The following BCL6 variants were observed in gnomAD, a reference collection of about 807,000 sequenced individuals.
BCL6 encodes BCL6 transcription repressor.
BCL6 carries 7 observed loss-of-function variants against 59.5 expected under a neutral mutation model. The ratio of observed to expected loss-of-function variants is 0.12; its 90% CI spans 0.07 to 0.22. BCL6 has a LOEUF of 0.22. Among genes scored for constraint, BCL6 ranks in the 10% least tolerant of loss-of-function variants. The pLI is 1.00. For missense variants in BCL6, 685 were observed against 939.4 expected (o/e 0.73, Z 3.54); for synonymous variants, 339 against 349.7 (o/e 0.97, Z 0.34).
At chr3:187,745,191 T>C (rs901272184) in intron 1 of BCL6, among the ~76,000 whole-genome samples, 5 of 152,282 alleles carry the variant, frequency 3.3e-5, no homozygotes, top group Middle Eastern at 3.4e-3. Context: ...CTTCGGCATT[T>C]ATTTTAACAC....
intron 1 of BCL6, among the ~76,000 whole-genome samples, chr3:187,742,196 G>A (rs548721030): frequency 6.6e-6 from 1 of 152,142 alleles, no homozygotes; most frequent in South Asian, 2.1e-4. Flanking sequence ...CCCACCGAGG[G>A]GTGGCGCTGC....
intron 3 of BCL6, chr3:187,732,230 T>C (rs1177446881): frequency 2.4e-6 from 1 of 420,350 alleles, no homozygotes; most frequent in Non-Finnish European, 4.5e-6. Context: ...GGGCCTGTTT[T>C]CCTTTTAGTC....
chr3:187,744,510 T>G (rs1711786172), intron 1 of BCL6, among the ~76,000 whole-genome samples: 2 of 151,820 alleles, frequency 1.3e-5, no homozygotes, highest in South Asian at 2.1e-4. Flanking sequence ...CGGCTCTCAT[T>G]AGGAAGATCA....
chr3:187,727,470 G>A (rs1344055322), intron 6 of BCL6, among the ~76,000 whole-genome samples: 3 of 152,224 alleles, frequency 2.0e-5, no homozygotes, highest in East Asian at 1.9e-4. Flanking sequence ...AATCAATGAC[G>A]AACACTCTGT....
In BCL6 at chr3:187,729,379, G is replaced by A; in HGVS notation, c.1026C>T (p.Asn342=). ...QSPQKSDCQP[N]SPTESCSSKN... ...TACTGCTGCAGGACTCTGTGGGCGAGTTGGGCTGGCAGTCAGATTTCTGGG... is the reference window on the plus strand; with the variant it reads ...TACTGCTGCAGGACTCTGTGGGCGAATTGGGCTGGCAGTCAGATTTCTGGG... The change falls in exon 5 of 10, where the codon AAC becomes AAT. Residue 342 remains asparagine, a synonymous_variant. Coordinates refer to ENST00000406870, the MANE Select transcript of BCL6 (RefSeq NM_001706.5). This position sits in a 1 kb window ranked among gnomAD's most constrained non-coding sequence, Gnocchi z 5.6. The A allele has an allele frequency of 6.2e-7, 1 of 1,613,634 alleles. No individual in the cohort carries two copies. The highest frequency in any genetic ancestry group is 8.5e-7 in the Non-Finnish European group (1 of 1,179,878).
At position 187,724,922 on chromosome 3, in the gene BCL6, C is replaced by A. The variant is rs370413402; in HGVS notation, c.1977+19G>T. On this transcript the variant is annotated intron_variant, in intron 9 of 9. Transcript: ENST00000406870. ...CACATCCCCGCAGGTCAGAGAGCGG[C>A]CTCAAGAGGCTTACGTACATGGTAA... The A allele has an allele frequency of 6.2e-7, 1 of 1,613,996 alleles. No individual in the cohort carries two copies. The highest frequency in any genetic ancestry group is 1.3e-5 in the African/African-American group (1 of 74,924).
At chr3:187,724,379 A>G (rs1356943810) in intron 9 of BCL6, among the ~76,000 whole-genome samples, 2 of 151,880 alleles carry the variant, frequency 1.3e-5, no homozygotes, top group Admixed American at 1.3e-4. Flanking sequence ...GCCCTAGAAC[A>G]TTCCAATCCC....
Position 187,728,563 on chromosome 3 carries a change from ACAGCCTCAG to A in BCL6, c.1356-28_1356-20del. 6.3e-7 allele frequency: 1 copy of A among 1,588,550 alleles called. No homozygotes were observed. Among genetic ancestry groups the A allele is most frequent in the Non-Finnish European group, 8.5e-7 (1 of 1,172,576 alleles). On this transcript the variant is annotated intron_variant, in intron 5 of 9. Transcript: ENST00000406870. ...CATGGACCTATGGACAGGAGTAAAA[ACAGCCTCAG>A]CACCTGGGGCAGGGCCTCAAGACCA...
At chr3:187,728,153 C>G (rs1371781760) in intron 6 of BCL6, among the ~76,000 whole-genome samples, 2 of 152,230 alleles carry the variant, frequency 1.3e-5, no homozygotes, top group East Asian at 3.8e-4. Context: ...CAGATCAACT[C>G]TAAAACCCCA....
intron 1 of BCL6, among the ~76,000 whole-genome samples, chr3:187,739,738 C>T (rs1198001241): frequency 6.6e-6 from 1 of 152,172 alleles, no homozygotes; most frequent in African/African-American, 2.4e-5. Flanking sequence ...AAATCGCGTC[C>T]CGGAGCAGAG....
chr3:187,745,428 T>G lies in BCL6; in HGVS notation c.-68A>C. The G allele has an allele frequency of 2.5e-6, 1 of 399,876 alleles. No homozygotes were observed. Among genetic ancestry groups the G allele is most frequent in the Non-Finnish European group, 4.4e-6 (1 of 226,444 alleles). 24.8% of individuals were successfully genotyped at this position (399,876 alleles called of 1,614,324 possible). ...TAATCACCTGGTGTCCGGCCTTTCC[T>G]AGAAACTTCTTGCATCACCACTTCT... On this transcript the variant is annotated 5_prime_UTR_variant, in exon 1 of 10. Transcript: ENST00000406870.
Position 187,721,440 on chromosome 3 carries a change from GC to G in BCL6, c.*1017del. The G allele has an allele frequency of 4.3e-6, 1 of 231,974 alleles. No homozygotes were observed. Among genetic ancestry groups the G allele is most frequent in the Non-Finnish European group, 8.6e-6 (1 of 116,904 alleles). 14.4% of individuals were successfully genotyped at this position (231,974 alleles called of 1,614,324 possible). A position where few individuals can be genotyped will look rare whatever the true frequency, so the allele number is the denominator to read the frequency against. On this transcript the variant is annotated 3_prime_UTR_variant, in exon 10 of 10. Transcript: ENST00000406870. The surrounding 1 kb of genome is among the most constrained non-coding windows in gnomAD (Gnocchi z 4.2). ...CAGCTATATTTTACAACGCGGTAATGCAGTTTAGACACAGCCAAACCCTGTC... is the reference window on the plus strand; with the variant it reads ...CAGCTATATTTTACAACGCGGTAATGAGTTTAGACACAGCCAAACCCTGTC...
rs1225779160 is a variant in BCL6 at position 187,731,841 on chromosome 3, C to G, written c.251G>C (p.Cys84Ser). ...TGTGTACATGAAGTCCAGGAGGATG[C>G]AGAATCCCTCAGGGTTGATCTCAGG... Reference protein sequence around the residue: ...LDPEINPEGFCILLDFMYTSR... With the variant: ...LDPEINPEGFSILLDFMYTSR... Residue 84 changes from cysteine to serine, a missense_variant, in exon 4 of 10, where the codon TGC becomes TCC. By Grantham distance (112) the Cys-to-Ser change is moderately radical. Coordinates refer to ENST00000406870, the MANE Select transcript of BCL6 (RefSeq NM_001706.5). The G allele has an allele frequency of 2.3e-5, 37 of 1,614,040 alleles. No individual in the cohort carries two copies. Among genetic ancestry groups the G allele is most frequent in the Non-Finnish European group, 3.1e-5 (36 of 1,180,038 alleles).
intron 3 of BCL6, 126 bp from the exon 4 acceptor site, chr3:187,732,056 G>C (rs1347074051): frequency 6.5e-6 from 5 of 766,674 alleles, no homozygotes; most frequent in Non-Finnish European, 1.1e-5. Context: ...ATTAATAATA[G>C]CTGCTATTTA....
At chr3:187,728,290 G>C (rs1048804801) in intron 6 of BCL6, 70 bp downstream of exon 6, 63 of 1,411,200 alleles carry the variant, frequency 4.5e-5, no homozygotes, top group Non-Finnish European at 5.5e-5. Flanking sequence ...AAGTAAAATG[G>C]AGCACAAAAC....
At chr3:187,744,616 T>A in intron 1 of BCL6, among the ~76,000 whole-genome samples, 1 of 152,114 alleles carries the variant, frequency 6.6e-6, no homozygotes, top group East Asian at 1.9e-4. Context: ...CGCTTGCATT[T>A]TTTCCTTCCA....
At position 187,725,299 on chromosome 3, in the gene BCL6, G is replaced by A. The variant is rs925967072; in HGVS notation, c.1839+200C>T. ...ACCTACCCGCTCTGCTCACCTGCCCGCTCTGCTCACCTGCCCGCTCTGCTC... is the reference window on the plus strand; with the variant it reads ...ACCTACCCGCTCTGCTCACCTGCCCACTCTGCTCACCTGCCCGCTCTGCTC... On this transcript the variant is annotated intron_variant, in intron 8 of 9. Coordinates refer to ENST00000406870, the MANE Select transcript of BCL6 (RefSeq NM_001706.5). The surrounding 1 kb of genome is among the most constrained non-coding windows in gnomAD (Gnocchi z 4.7). Among the ~76,000 whole-genome samples, 6 of 148,758 alleles carry A rather than the reference G, an allele frequency of 4.0e-5. No individual in the cohort carries two copies. Among genetic ancestry groups the A allele is most frequent in the Admixed American group, 1.3e-4 (2 of 14,984 alleles).
intron 1 of BCL6, among the ~76,000 whole-genome samples, chr3:187,744,343 T>G (rs1711769805): frequency 7.3e-6 from 1 of 137,326 alleles, no homozygotes; most frequent in African/African-American, 2.7e-5. Flanking sequence ...CAAGAAGCCC[T>G]GTCCCGCCAT....
intron 9 of BCL6, among the ~76,000 whole-genome samples, chr3:187,724,342 C>T (rs941258896): frequency 6.6e-6 from 1 of 152,208 alleles, no homozygotes; most frequent in African/African-American, 2.4e-5. Context: ...CAAACATTGG[C>T]ACACAGGCTA....
Sources: gnomAD v4.1 joint callset for allele counts (sites outside exome capture counted in the v4.1 genomes callset) on GRCh38, gnomAD v4.1.1 for gene constraint, Gnocchi (gnomAD v3.1) non-coding constraint, MANE v1.5 for transcripts, NCBI Gene and HGNC (gene_info 2026-07-23, HGNC 2026-07-21) for gene names.